PRKCQ: variants seen among roughly 807,000 people sequenced by gnomAD.
PRKCQ encodes protein kinase C theta, also known as protein kinase C theta type.
Under a neutral mutation model 91.2 loss-of-function variants are expected in PRKCQ, and 41 were observed. The observed-to-expected ratio is 0.45, with a 90% CI of 0.35 to 0.58. The LOEUF is 0.58. Among genes scored for constraint, PRKCQ ranks in the 20% least tolerant of loss-of-function variants. PRKCQ has a pLI of 0.00. For missense variants in PRKCQ, 673 were observed against 896.5 expected, an observed-to-expected ratio of 0.75 and a Z score of 3.18; for synonymous variants, 307 against 316.9, an observed-to-expected ratio of 0.97 and a Z score of 0.33.
At chr10:6,561,732 G>A (rs776075814) in intron 1 of PRKCQ, among the ~76,000 whole-genome samples, 1 of 152,172 alleles carries the variant, frequency 6.6e-6, no homozygotes, top group Admixed American at 6.5e-5. Context: ...CACCATTCTC[G>A]CTGGTTTTTA....
rs111987440 is a variant in PRKCQ, at chr10:6,569,042, T to C, written c.-10+11169A>G. Among the ~76,000 whole-genome samples, 680 of 152,268 alleles carry C rather than the reference T, an allele frequency of 4.5e-3. 8 individuals carry two copies. The highest frequency in any genetic ancestry group is 0.015 in the African/African-American group (638 of 41,544). On this transcript the variant is annotated intron_variant, in intron 1 of 17. Transcript: ENST00000263125. The stretch of plus-strand genomic sequence containing the variant: ...CAATAGTAATTCTGTTGTGCAGACA[T>C]TTAAGTCACTAGATTGGGATTCTTT...
At chr10:6,544,213 T>C (rs1465270235) in intron 1 of PRKCQ, among the ~76,000 whole-genome samples, 2 of 152,194 alleles carry the variant, frequency 1.3e-5, no homozygotes, top group African/African-American at 2.4e-5. Flanking sequence ...GTTAAACTGT[T>C]TGTGAGTCAC....
intron 15 of PRKCQ, among the ~76,000 whole-genome samples, chr10:6,448,930 T>A (rs1304114964): frequency 2.6e-5 from 4 of 151,014 alleles, no homozygotes; most frequent in South Asian, 2.1e-4. Flanking sequence ...AAAACCCATC[T>A]GTACATCACC....
At chr10:6,403,475 G>C in the PRKCQ span, among the ~76,000 whole-genome samples, 1 of 152,096 alleles carries the variant, frequency 6.6e-6, no homozygotes. Flanking sequence ...GCTATCTCTG[G>C]GGCATATCCA....
At chr10:6,473,807 C>T (rs939736434) in intron 12 of PRKCQ, among the ~76,000 whole-genome samples, 5 of 152,110 alleles carry the variant, frequency 3.3e-5, no homozygotes, top group South Asian at 2.1e-4. Context: ...TGCCTTAAAA[C>T]TATGGAAATA....
chr10:6,539,004 T>C (rs1432746811), intron 1 of PRKCQ, among the ~76,000 whole-genome samples: 1 of 152,150 alleles, frequency 6.6e-6, no homozygotes, highest in Non-Finnish European at 1.5e-5. Context: ...GCTCAGGCAA[T>C]CTGCCCATCT....
chr10:6,401,843 A>G, the PRKCQ span, among the ~76,000 whole-genome samples: 1 of 152,188 alleles, frequency 6.6e-6, no homozygotes, highest in Non-Finnish European at 1.5e-5. Flanking sequence ...GGCAGAATAC[A>G]CATCTTGAAT....
chr10:6,483,195 C>T (rs560462555), intron 11 of PRKCQ, among the ~76,000 whole-genome samples: 9 of 152,300 alleles, frequency 5.9e-5, no homozygotes, highest in African/African-American at 1.7e-4. Context: ...ACATCAAACT[C>T]ATAGGCGTGT....
At chr10:6,397,471 A>T in the PRKCQ span, among the ~76,000 whole-genome samples, 1 of 152,182 alleles carries the variant, frequency 6.6e-6, no homozygotes, top group Non-Finnish European at 1.5e-5. Context: ...ATACTATTGC[A>T]TTATCAGATA....
At chr10:6,404,256 GAGAGA>G in the PRKCQ span, among the ~76,000 whole-genome samples, 489 of 11,494 alleles carry the variant, frequency 0.043, 8 homozygotes, top group African/African-American at 0.059. Flanking sequence ...AAGGGGGGGG[GAGAGA>G]GAGAGAGAGA....
At chr10:6,462,195 C>G in intron 14 of PRKCQ, 108 bp downstream of exon 14, 1 of 989,506 alleles carries the variant, frequency 1.0e-6, no homozygotes, top group South Asian at 1.4e-5. Context: ...GTGGAGCTTA[C>G]TCCCAGGAAA....
At chr10:6,410,468 G>A in the PRKCQ span, among the ~76,000 whole-genome samples, 2 of 152,200 alleles carry the variant, frequency 1.3e-5, no homozygotes, top group Non-Finnish European at 2.9e-5. Context: ...GTAGGGCAGA[G>A]GGTGGGGCTT....
chr10:6,414,624 T>A, the PRKCQ span, among the ~76,000 whole-genome samples: 1 of 152,174 alleles, frequency 6.6e-6, no homozygotes, highest in Non-Finnish European at 1.5e-5. Context: ...CTCTTAACAA[T>A]TGAAGTTCTA....
intron 11 of PRKCQ, 36 bp downstream of exon 11, chr10:6,483,404 A>G: frequency 6.2e-7 from 1 of 1,612,920 alleles, no homozygotes; most frequent in South Asian, 1.1e-5. Context: ...CAGTTCCTGG[A>G]GTTGGGCCAT....
chr10:6,445,565 C>T (rs1247507352), intron 15 of PRKCQ, among the ~76,000 whole-genome samples: 1 of 152,120 alleles, frequency 6.6e-6, no homozygotes, highest in Non-Finnish European at 1.5e-5. Flanking sequence ...TCTTATGGGA[C>T]AACTATAAAT....
At chr10:6,483,828 C>T (rs1836751668) in intron 10 of PRKCQ, among the ~76,000 whole-genome samples, 1 of 152,198 alleles carries the variant, frequency 6.6e-6, no homozygotes, top group African/African-American at 2.4e-5. Context: ...GGAGTGTGGA[C>T]TATGTCTCTT....
chr10:6,559,151 T>C (rs1840529999), intron 1 of PRKCQ, among the ~76,000 whole-genome samples: 1 of 152,172 alleles, frequency 6.6e-6, no homozygotes, highest in African/African-American at 2.4e-5. Context: ...GGAACATAAA[T>C]GACCACAGTC....
the PRKCQ span, among the ~76,000 whole-genome samples, chr10:6,414,263 A>G: frequency 2.0e-5 from 3 of 152,364 alleles, no homozygotes; most frequent in East Asian, 1.9e-4. Flanking sequence ...CTTAGATCAA[A>G]CATTTTGTTG....
At chr10:6,493,141 G>A (rs1008268297) in intron 7 of PRKCQ, among the ~76,000 whole-genome samples, 3 of 152,314 alleles carry the variant, frequency 2.0e-5, no homozygotes, top group East Asian at 3.9e-4. Context: ...TGATGAAGAC[G>A]CTATGTACAC....
Sources: allele counts gnomAD v4.1 joint callset (sites outside exome capture counted in the v4.1 genomes callset), GRCh38; gene constraint gnomAD v4.1.1; transcripts MANE v1.5; gene names NCBI Gene and HGNC (gene_info 2026-07-23, HGNC 2026-07-21).